NEO1: variants seen among roughly 807,000 people sequenced by gnomAD.
The protein encoded by NEO1 is neogenin 1.
NEO1 carries 63 observed loss-of-function variants against 159.7 expected under a neutral mutation model. That is an observed-to-expected ratio of 0.39 (90% CI 0.32 to 0.49). The LOEUF (loss-of-function observed/expected upper bound fraction) is 0.49. Ranked by LOEUF, NEO1 falls within the 20% of genes least tolerant of loss-of-function variation. The probability of loss-of-function intolerance (pLI) is 0.85; values close to 1 mark genes in which losing one functional copy is unlikely to be tolerated. For synonymous variants in NEO1, 633 were observed against 662.0 expected (o/e 0.96, Z 0.67); for missense variants, 1,615 against 1,831.0 (o/e 0.88, Z 2.15).
intron 7 of NEO1, among the ~76,000 whole-genome samples, chr15:73,216,267 A>AT (rs1250594645): frequency 1.3e-5 from 2 of 152,098 alleles, no homozygotes; most frequent in African/African-American, 2.4e-5. Context: ...TGAACTCATC[A>AT]TTTTTTATGG....
At chr15:73,206,059 A>T (rs117274134) in intron 7 of NEO1, among the ~76,000 whole-genome samples, 1 of 152,128 alleles carries the variant, frequency 6.6e-6, no homozygotes, top group Non-Finnish European at 1.5e-5. Flanking sequence ...GGCATGTGCC[A>T]CTACGTCCAG....
intron 22 of NEO1, 129 bp from the exon 23 acceptor site, chr15:73,282,835 C>T: frequency 8.7e-7 from 1 of 1,154,592 alleles, no homozygotes; most frequent in Non-Finnish European, 1.2e-6. Flanking sequence ...TCACGCGGCA[C>T]TTTTATATAA....
chr15:73,127,647 A>G (rs563735574), intron 4 of NEO1, among the ~76,000 whole-genome samples: 1 of 152,346 alleles, frequency 6.6e-6, no homozygotes, highest in South Asian at 2.1e-4. Flanking sequence ...CAAGCCACAC[A>G]TGTAATTTAA....
intron 7 of NEO1, among the ~76,000 whole-genome samples, chr15:73,214,868 G>A (rs563504156): frequency 3.3e-5 from 5 of 151,410 alleles, no homozygotes; most frequent in Admixed American, 3.3e-4. Flanking sequence ...ATTGCTTTTG[G>A]CACTATGATC....
rs1156608606 is a variant in NEO1 at position 73,263,159 on chromosome 15, T to TAC, written c.2398+2694_2398+2695insAC. 2.6e-5 allele frequency among the ~76,000 whole-genome samples: 4 copies of TAC among 152,100 alleles called. No homozygotes were observed. In the East Asian group the frequency reaches 7.7e-4, roughly 29 times the overall value. ...AAATGTACAGTTAAATGGATACATT[T>TAC]TATTATATGCTAATTATACCTCATA... On this transcript the variant is annotated intron_variant, in intron 15 of 28. Coordinates refer to ENST00000261908, the MANE Select transcript of NEO1 (RefSeq NM_002499.4).
At chr15:73,091,106 A>G (rs936706206) in intron 1 of NEO1, among the ~76,000 whole-genome samples, 22 of 151,954 alleles carry the variant, frequency 1.4e-4, no homozygotes, top group African/African-American at 5.1e-4. Context: ...TACTATTACT[A>G]CCTCCCTTTA....
At position 73,260,325 on chromosome 15, in the gene NEO1, G is replaced by A; in HGVS notation, c.2258G>A (p.Ser753Asn). The change falls in exon 15 of 29, where the codon AGC (serine) becomes AAC (asparagine). Residue 753 changes from serine (S) to asparagine (N), a missense_variant. This residue lies in a region of NEO1 where 1,018 missense variants were observed against 1,115.4 expected (regional missense o/e 0.91). Transcript: ENST00000261908. ...CTTCACGTACGCCCGCTCGTTACTA[G>A]CATCGTAGTGAGCTGGACTCCTCCA... ...SSLHVRPLVT[S>N]IVVSWTPPEN... 2 of 1,613,978 alleles carry A rather than the reference G, an allele frequency of 1.2e-6. No individual in the cohort carries two copies. The highest frequency in any genetic ancestry group is 1.7e-6 in the Non-Finnish European group (2 of 1,179,964).
intron 8 of NEO1, among the ~76,000 whole-genome samples, chr15:73,239,861 G>C (rs1241167169): frequency 6.6e-6 from 1 of 152,130 alleles, no homozygotes; most frequent in Non-Finnish European, 1.5e-5. Context: ...TAAATGACCT[G>C]TCTGTATATT....
At chr15:73,196,402 C>T (rs1299251890) in intron 7 of NEO1, among the ~76,000 whole-genome samples, 3 of 152,190 alleles carry the variant, frequency 2.0e-5, no homozygotes, top group Non-Finnish European at 2.9e-5. Context: ...ATATTTAAAA[C>T]TCCCCAGTAG....
At chr15:73,155,818 C>G (rs1190285388) in intron 5 of NEO1, among the ~76,000 whole-genome samples, 2 of 152,180 alleles carry the variant, frequency 1.3e-5, no homozygotes. Context: ...TTGAAGATAT[C>G]TATCTCGATA....
At chr15:73,282,303 A>G (rs963314912) in intron 22 of NEO1, among the ~76,000 whole-genome samples, 5 of 152,102 alleles carry the variant, frequency 3.3e-5, no homozygotes, top group Non-Finnish European at 5.9e-5. Context: ...CGTTTATCCC[A>G]TTCCCCCGCC....
intron 7 of NEO1, among the ~76,000 whole-genome samples, chr15:73,220,414 G>C (rs1191692179): frequency 6.6e-6 from 1 of 152,056 alleles, no homozygotes; most frequent in Non-Finnish European, 1.5e-5. Flanking sequence ...TCTTGGAGTT[G>C]CTCTTCTCGA....
chr15:73,271,906 C>CAA (rs57979197), intron 18 of NEO1, among the ~76,000 whole-genome samples: 42 of 92,514 alleles, frequency 4.5e-4, no homozygotes, highest in African/African-American at 9.4e-4. Context: ...GACTCCATCT[C>CAA]AAAAAAAAAA....
chr15:73,155,016 T>C (rs1019124473), intron 5 of NEO1, among the ~76,000 whole-genome samples: 2 of 151,476 alleles, frequency 1.3e-5, no homozygotes, highest in Non-Finnish European at 2.9e-5. Flanking sequence ...AAAGTCTTTG[T>C]GTTTTTTTTT....
chr15:73,151,202 G>A (rs919379379), intron 5 of NEO1, among the ~76,000 whole-genome samples: 2 of 152,134 alleles, frequency 1.3e-5, no homozygotes, highest in African/African-American at 4.8e-5. Context: ...GATGAGTAGT[G>A]ATGTTGAATA....
intron 7 of NEO1, among the ~76,000 whole-genome samples, chr15:73,215,248 A>T (rs971084732): frequency 6.6e-6 from 1 of 152,154 alleles, no homozygotes; most frequent in African/African-American, 2.4e-5. Context: ...CTTCCTCTTT[A>T]CCGATTTGGA....
At chr15:73,174,919 A>G (rs941464958) in intron 5 of NEO1, among the ~76,000 whole-genome samples, 11 of 152,128 alleles carry the variant, frequency 7.2e-5, no homozygotes, top group African/African-American at 2.7e-4. Flanking sequence ...ATCTTCCATC[A>G]CTGTGAATGT....
intron 18 of NEO1, 115 bp downstream of exon 18, chr15:73,270,569 T>C (rs2041122791): frequency 8.5e-7 from 1 of 1,175,738 alleles, no homozygotes; most frequent in Non-Finnish European, 1.2e-6. Flanking sequence ...TGGAATTCAG[T>C]GTTTGCTATT....
chr15:73,192,415 A>G (rs1317170544), intron 7 of NEO1, among the ~76,000 whole-genome samples: 1 of 151,972 alleles, frequency 6.6e-6, no homozygotes, highest in Non-Finnish European at 1.5e-5. Context: ...AGACTAGAGT[A>G]TGAGGAAACA....
Sources: allele counts gnomAD v4.1 joint callset (sites outside exome capture counted in the v4.1 genomes callset), GRCh38; gene constraint gnomAD v4.1.1; regional missense constraint gnomAD v4.1.1; transcripts MANE v1.5; gene names NCBI Gene and HGNC (gene_info 2026-07-23, HGNC 2026-07-21).